The following NALF1 variants were observed in gnomAD, a reference collection of about 807,000 sequenced individuals.
NALF1 encodes family with sequence similarity 155 member A.
Under a neutral mutation model 48.4 loss-of-function variants are expected in NALF1, and 3 were observed. That is an observed-to-expected ratio of 0.06 (90% CI 0.03 to 0.16). The LOEUF (loss-of-function observed/expected upper bound fraction) is 0.16. NALF1 is among the 10% of genes least tolerant of loss of function. The probability of loss-of-function intolerance (pLI) is 1.00; values close to 1 mark genes in which losing one functional copy is unlikely to be tolerated. For missense variants in NALF1, 526 were observed against 571.5 expected, an observed-to-expected ratio of 0.92 and a Z score of 0.81; for synonymous variants, 262 against 245.7, an observed-to-expected ratio of 1.07 and a Z score of -0.62.
intron 1 of NALF1, among the ~76,000 whole-genome samples, chr13:107,442,644 C>A (rs1481905956): frequency 6.6e-6 from 1 of 152,188 alleles, no homozygotes; most frequent in Non-Finnish European, 1.5e-5. Flanking sequence ...TGTCCTCCAG[C>A]AAACCTTTTG....
intron 1 of NALF1, among the ~76,000 whole-genome samples, chr13:107,594,924 T>C (rs1027664101): frequency 3.3e-5 from 5 of 151,968 alleles, no homozygotes; most frequent in Admixed American, 1.3e-4. Flanking sequence ...AAAAAGAAAA[T>C]TTTGGCAAAA....
rs375165130 is a variant in NALF1 at position 107,496,975 on chromosome 13, G to A, written c.916-286220C>T. On this transcript the variant is annotated intron_variant, in intron 1 of 2. Coordinates refer to ENST00000375915, the MANE Select transcript of NALF1 (RefSeq NM_001080396.3). Reference sequence around the variant, plus strand: ...GATGAGATTTGGGTGGGGACACAGAGCCAAACCATATCAGGAAACAAAGAT... The same window carrying A: ...GATGAGATTTGGGTGGGGACACAGAACCAAACCATATCAGGAAACAAAGAT... Among the ~76,000 whole-genome samples, 147 of 152,266 alleles carry A rather than the reference G, an allele frequency of 9.7e-4. 1 individual carries two copies. Among genetic ancestry groups the A allele is most frequent in the African/African-American group, 3.3e-3 (137 of 41,562 alleles).
chr13:107,582,812 T>C lies in NALF1; in HGVS notation c.915+282870A>G, dbSNP rs1471712339. On this transcript the variant is annotated intron_variant, in intron 1 of 2. Transcript: ENST00000375915. The stretch of plus-strand genomic sequence containing the variant: ...TCCCTTAAATAAAAAGAAAATCCTG[T>C]ATAATTCAGTTTGAAACTTTCATGT... Among the ~76,000 whole-genome samples the C allele has an allele frequency of 3.3e-5, 5 of 152,158 alleles. No individual in the cohort carries two copies. The East Asian group carries it at 9.6e-4, about 29-fold the overall frequency.
chr13:107,546,023 T>C (rs770667697), intron 1 of NALF1, among the ~76,000 whole-genome samples: 2 of 152,000 alleles, frequency 1.3e-5, no homozygotes, highest in Non-Finnish European at 2.9e-5. Context: ...GGGCTCTGGG[T>C]CAAGCATTGG....
intron 1 of NALF1, among the ~76,000 whole-genome samples, chr13:107,498,803 A>T (rs1875420900): frequency 6.6e-6 from 1 of 152,208 alleles, no homozygotes; most frequent in African/African-American, 2.4e-5. Flanking sequence ...TAATTCTGAC[A>T]GTGGCCATCG....
chr13:107,798,906 T>C (rs1198722636), intron 1 of NALF1, among the ~76,000 whole-genome samples: 1 of 152,234 alleles, frequency 6.6e-6, no homozygotes, highest in African/African-American at 2.4e-5. Flanking sequence ...ACATACATCG[T>C]AGCCTTTTGA....
At chr13:107,635,800 AG>A (rs1394783219) in intron 1 of NALF1, among the ~76,000 whole-genome samples, 1 of 152,156 alleles carries the variant, frequency 6.6e-6, no homozygotes, top group African/African-American at 2.4e-5. Context: ...TTCCTATCAA[AG>A]CACAACCTAC....
At chr13:107,586,649 T>TTTTTTTTTTTTTTTTTTTG in intron 1 of NALF1, among the ~76,000 whole-genome samples, 1 of 146,958 alleles carries the variant, frequency 6.8e-6, no homozygotes, top group East Asian at 2.0e-4. Context: ...TTTTTTTTTT[T>TTTTTTTTTTTTTTTTTTTG]GCTAGGAATG....
At chr13:107,340,329 C>T (rs1475721211) in intron 1 of NALF1, among the ~76,000 whole-genome samples, 1 of 151,956 alleles carries the variant, frequency 6.6e-6, no homozygotes, top group Non-Finnish European at 1.5e-5. Flanking sequence ...TTAGTAGAGA[C>T]AGGGTTTCAC....
chr13:107,680,665 T>G (rs1881272926), intron 1 of NALF1, among the ~76,000 whole-genome samples: 1 of 151,934 alleles, frequency 6.6e-6, no homozygotes, highest in Non-Finnish European at 1.5e-5. Flanking sequence ...TGTGTATGTG[T>G]AAGGATGCAA....
intron 1 of NALF1, among the ~76,000 whole-genome samples, chr13:107,472,315 C>G (rs1336841060): frequency 6.6e-6 from 1 of 152,106 alleles, no homozygotes; most frequent in African/African-American, 2.4e-5. Flanking sequence ...GGCAACAGAG[C>G]GAGACTCCCT....
At chr13:107,752,222 T>A (rs1876960457) in intron 1 of NALF1, among the ~76,000 whole-genome samples, 1 of 152,118 alleles carries the variant, frequency 6.6e-6, no homozygotes, top group African/African-American at 2.4e-5. Context: ...ATTCATTGAA[T>A]TTTCTGTCTT....
chr13:107,252,027 G>T (rs1455377941), intron 1 of NALF1, among the ~76,000 whole-genome samples: 1 of 152,186 alleles, frequency 6.6e-6, no homozygotes, highest in Non-Finnish European at 1.5e-5. Context: ...CCAGCATGCA[G>T]AGGGGGACTC....
intron 1 of NALF1, among the ~76,000 whole-genome samples, chr13:107,571,745 T>C (rs890292117): frequency 6.6e-6 from 1 of 152,198 alleles, no homozygotes. Context: ...GGGATCTGTG[T>C]TAACTCCAGG....
chr13:107,841,054 G>GGTC (rs1880031137), intron 1 of NALF1, among the ~76,000 whole-genome samples: 1 of 151,862 alleles, frequency 6.6e-6, no homozygotes, highest in African/African-American at 2.4e-5. Flanking sequence ...GAGGGGCAGG[G>GGTC]GTCATCATCC....
intron 1 of NALF1, among the ~76,000 whole-genome samples, chr13:107,697,453 C>T (rs1486150021): frequency 6.6e-6 from 1 of 151,930 alleles, no homozygotes; most frequent in Non-Finnish European, 1.5e-5. Context: ...AACTTTATAC[C>T]TTCATGTTCT....
intron 1 of NALF1, among the ~76,000 whole-genome samples, chr13:107,629,136 G>T (rs1879762253): frequency 6.6e-6 from 1 of 152,066 alleles, no homozygotes; most frequent in South Asian, 2.1e-4. Context: ...AAAATTTCTG[G>T]ACATATAATT....
chr13:107,295,142 C>A (rs1393141721), intron 1 of NALF1, among the ~76,000 whole-genome samples: 1 of 152,136 alleles, frequency 6.6e-6, no homozygotes, highest in East Asian at 1.9e-4. Context: ...ACCCTTGTCC[C>A]CTTCCCCACT....
At position 107,167,370 on chromosome 13, in the gene NALF1, A is replaced by G. The variant is rs914279000; in HGVS notation, c.*3127T>C. On this transcript the variant is annotated 3_prime_UTR_variant, in exon 3 of 3. Coordinates refer to ENST00000375915, the MANE Select transcript of NALF1 (RefSeq NM_001080396.3). ...TCAAGTGTGTGCCAGGAAAACTACT[A>G]CAAAGAATCAACGGATGTAGTGAAA... The G allele has an allele frequency of 2.0e-5, 3 of 152,192 alleles. No homozygotes were observed. In the East Asian group the frequency reaches 5.8e-4, roughly 29 times the overall value. 9.4% of individuals were successfully genotyped at this position (152,192 alleles called of 1,614,324 possible). A position where few individuals can be genotyped will look rare whatever the true frequency, so the allele number is the denominator to read the frequency against.
Sources: gnomAD v4.1 joint callset for allele counts (sites outside exome capture counted in the v4.1 genomes callset) on GRCh38, gnomAD v4.1.1 for gene constraint, MANE v1.5 for transcripts, NCBI Gene and HGNC (gene_info 2026-07-23, HGNC 2026-07-21) for gene names.